OSBPL1A: variants seen among roughly 807,000 people sequenced by gnomAD.
The protein encoded by OSBPL1A is oxysterol binding protein like 1A, also known as oxysterol-binding protein-related protein 1.
In OSBPL1A, 80 loss-of-function variants were observed where a neutral mutation model predicts 137.1. The observed-to-expected ratio is 0.58, with a 90% CI of 0.49 to 0.70. The LOEUF (loss-of-function observed/expected upper bound fraction) is 0.70. Ranked by LOEUF, OSBPL1A falls within the 30% of genes least tolerant of loss-of-function variation. OSBPL1A has a pLI of 0.00. For missense variants in OSBPL1A, 970 were observed against 1,129.4 expected (o/e 0.86, Z 2.02); for synonymous variants, 365 against 389.7 (o/e 0.94, Z 0.75).
intron 1 of OSBPL1A, among the ~76,000 whole-genome samples, chr18:24,379,680 A>G (rs1906444932): frequency 6.6e-6 from 1 of 151,898 alleles, no homozygotes; most frequent in Non-Finnish European, 1.5e-5. Context: ...CCAGCCTAAT[A>G]CGGTGAAACC....
In OSBPL1A at chr18:24,256,964, C is replaced by CAAAAAAAAAAAAAAAA. The variant is rs201880387; in HGVS notation, c.1282-17598_1282-17583dup. ...GCTGATGAAAGAACTGAAGAGGATGCAAAAAAAAAAAAAAAAAAAAAAAAA... is the reference window on the plus strand; with the variant it reads ...GCTGATGAAAGAACTGAAGAGGATGCAAAAAAAAAAAAAAAAAAAAAAAAAAAAAAAAAAAAAAAAA... On this transcript the variant is annotated intron_variant, in intron 15 of 27. Transcript: ENST00000319481. 4.4e-4 allele frequency among the ~76,000 whole-genome samples: 13 copies of CAAAAAAAAAAAAAAAA among 29,498 alleles called. 3 individuals carry two copies. The highest frequency in any genetic ancestry group is 1.4e-3 in the Admixed American group (2 of 1,474). 19.4% of individuals were successfully genotyped at this position (29,498 alleles called of 152,430 possible).
intron 4 of OSBPL1A, among the ~76,000 whole-genome samples, chr18:24,342,807 T>C (rs2091293334): frequency 6.6e-6 from 1 of 152,156 alleles, no homozygotes; most frequent in African/African-American, 2.4e-5. Flanking sequence ...ACAATTGTTT[T>C]ATAGCTACAT....
intron 25 of OSBPL1A, 79 bp from the exon 26 acceptor site, chr18:24,166,781 T>G (rs1406918458): frequency 3.5e-6 from 5 of 1,427,172 alleles, no homozygotes; most frequent in Non-Finnish European, 4.8e-6. Flanking sequence ...TAGAAGAGGG[T>G]TGACTTGACA....
chr18:24,172,231 G>A (rs1036763041), intron 22 of OSBPL1A, 145 bp downstream of exon 22: 82 of 618,002 alleles, frequency 1.3e-4, no homozygotes, highest in South Asian at 1.3e-4. Context: ...GAGCCACCGC[G>A]CCCAGATATA....
intron 15 of OSBPL1A, among the ~76,000 whole-genome samples, chr18:24,260,153 T>TA (rs2089407824): frequency 2.0e-5 from 3 of 152,080 alleles, no homozygotes; most frequent in African/African-American, 7.2e-5. Flanking sequence ...ATAATTTTTT[T>TA]TAAAAAAAAG....
intron 15 of OSBPL1A, among the ~76,000 whole-genome samples, chr18:24,261,984 G>A (rs1385405499): frequency 1.3e-5 from 2 of 152,360 alleles, no homozygotes; most frequent in East Asian, 1.9e-4. Context: ...ATGTGTATAA[G>A]CTAAGACACA....
chr18:24,173,672 CA>C (rs891453352), intron 21 of OSBPL1A, among the ~76,000 whole-genome samples: 1 of 152,252 alleles, frequency 6.6e-6, no homozygotes, highest in African/African-American at 2.4e-5. Context: ...CTTGGCCTCC[CA>C]AAGTGCTGGG....
chr18:24,176,627 A>T (rs1032894270), intron 21 of OSBPL1A, among the ~76,000 whole-genome samples: 7 of 152,050 alleles, frequency 4.6e-5, no homozygotes, highest in East Asian at 3.8e-4. Flanking sequence ...ACTGATAAAA[A>T]TTTTTTTTAG....
At chr18:24,356,703 C>T (rs2146179670) in intron 4 of OSBPL1A, among the ~76,000 whole-genome samples, 1 of 152,184 alleles carries the variant, frequency 6.6e-6, no homozygotes, top group Non-Finnish European at 1.5e-5. Flanking sequence ...CAGCCATGGC[C>T]AAGACATATC....
chr18:24,326,747 A>G (rs1056320997), intron 7 of OSBPL1A, among the ~76,000 whole-genome samples: 2 of 152,240 alleles, frequency 1.3e-5, no homozygotes, highest in Admixed American at 6.5e-5. Flanking sequence ...TGAGTAATGT[A>G]TAACTTTTCT....
chr18:24,378,382 C>T (rs569495486), intron 1 of OSBPL1A, among the ~76,000 whole-genome samples: 8 of 152,258 alleles, frequency 5.3e-5, no homozygotes, highest in African/African-American at 1.4e-4. Context: ...AGGTGGAGAT[C>T]AGCAATTTGG....
At position 24,289,777 on chromosome 18, in the gene OSBPL1A, T is replaced by G. The variant is rs556493262; in HGVS notation, c.1175-8829A>C. 1.7e-3 allele frequency among the ~76,000 whole-genome samples: 253 copies of G among 152,242 alleles called. 1 individual carries two copies. The highest frequency in any genetic ancestry group is 2.4e-3 in the Non-Finnish European group (161 of 68,020). ...GCTGCCCAGGGCCAAATGCTAACTC[T>G]GGTTTTTACAAGCTCTGTGACCTTA... On this transcript the variant is annotated intron_variant, in intron 14 of 27. Coordinates refer to ENST00000319481, the MANE Select transcript of OSBPL1A (RefSeq NM_080597.4).
chr18:24,236,955 A>T (rs148481047), intron 16 of OSBPL1A, among the ~76,000 whole-genome samples: 1,529 of 152,296 alleles, frequency 0.01, 22 homozygotes, highest in Non-Finnish European at 0.012. Context: ...ACATAATTAT[A>T]TCATGGACTT....
chr18:24,181,806 G>C (rs2086612128), intron 18 of OSBPL1A, among the ~76,000 whole-genome samples: 2 of 151,986 alleles, frequency 1.3e-5, no homozygotes, highest in South Asian at 4.1e-4. Context: ...CCAAATGAAT[G>C]CACTTTCTTT....
intron 14 of OSBPL1A, among the ~76,000 whole-genome samples, chr18:24,286,335 G>A (rs551639623): frequency 6.6e-6 from 1 of 152,228 alleles, no homozygotes; most frequent in African/African-American, 2.4e-5. Flanking sequence ...AGGTCATGCT[G>A]AAAGACATAA....
At chr18:24,350,788 C>T (rs1435079866) in intron 4 of OSBPL1A, among the ~76,000 whole-genome samples, 2 of 152,056 alleles carry the variant, frequency 1.3e-5, no homozygotes, top group Non-Finnish European at 2.9e-5. Flanking sequence ...AACTATCACT[C>T]AAATACAAAG....
intron 4 of OSBPL1A, among the ~76,000 whole-genome samples, chr18:24,344,319 A>G (rs959075174): frequency 1.3e-5 from 2 of 152,140 alleles, no homozygotes; most frequent in African/African-American, 4.8e-5. Context: ...GCATGGTGGC[A>G]TATGCCGGTA....
At chr18:24,347,329 G>A (rs1046462653) in intron 4 of OSBPL1A, among the ~76,000 whole-genome samples, 31 of 152,002 alleles carry the variant, frequency 2.0e-4, no homozygotes, top group African/African-American at 6.7e-4. Context: ...GATTACAGGC[G>A]CCCGCCACCA....
intron 13 of OSBPL1A, among the ~76,000 whole-genome samples, chr18:24,308,751 A>G (rs1486677466): frequency 6.6e-6 from 1 of 151,642 alleles, no homozygotes; most frequent in African/African-American, 2.4e-5. Flanking sequence ...GTAGTTAAAT[A>G]TAGTTAAAAT....
Sources: allele counts gnomAD v4.1 joint callset (sites outside exome capture counted in the v4.1 genomes callset), GRCh38; gene constraint gnomAD v4.1.1; transcripts MANE v1.5; gene names NCBI Gene and HGNC (gene_info 2026-07-23, HGNC 2026-07-21).